The following CASP6 variants were observed in gnomAD, a reference collection of about 807,000 sequenced individuals.
CASP6 encodes the protein caspase 6, also known as caspase-6.
Under a neutral mutation model 31.8 loss-of-function variants are expected in CASP6, and 20 were observed. The ratio of observed to expected loss-of-function variants is 0.63; its 90% CI spans 0.44 to 0.91. The LOEUF is 0.91. Among genes scored for constraint, CASP6 ranks in the 40% least tolerant of loss-of-function variants. The pLI is 0.00. For synonymous variants in CASP6, 130 were observed against 127.8 expected, an observed-to-expected ratio of 1.02 and a Z score of -0.12; for missense variants, 328 against 361.1, an observed-to-expected ratio of 0.91 and a Z score of 0.74.
chr4:109,669,239 G>A, the CASP6 span, among the ~76,000 whole-genome samples: 5 of 151,870 alleles, frequency 3.3e-5, no homozygotes, highest in African/African-American at 4.8e-5. Context: ...CTCAATTTTT[G>A]TTTGAAAATA....
chr4:109,696,611 T>A lies in CASP6; in HGVS notation c.231-125A>T. ...TTTGCTTTCTTTAGGAGAAAAGAAA[T>A]GAAATATAACAATGGTGGTTTTCCC... On this transcript the variant is annotated intron_variant, in intron 3 of 6. Coordinates refer to ENST00000265164, the MANE Select transcript of CASP6 (RefSeq NM_001226.4). 2 of 600,800 alleles carry A rather than the reference T, an allele frequency of 3.3e-6. 1 individual carries two copies. Among genetic ancestry groups the A allele is most frequent in the South Asian group, 4.4e-5 (2 of 44,980 alleles). The allele number at this position is 600,800 out of a possible 1,614,324, so 37.2% of individuals were successfully genotyped here.
At chr4:109,676,225 T>G in the CASP6 span, among the ~76,000 whole-genome samples, 1 of 152,172 alleles carries the variant, frequency 6.6e-6, no homozygotes, top group Non-Finnish European at 1.5e-5. Flanking sequence ...TAAGTGGTCA[T>G]GATCAGAATG....
chr4:109,687,656 T>C, downstream of CASP6: 2 of 949,088 alleles, frequency 2.1e-6, no homozygotes, highest in Admixed American at 1.9e-5. Context: ...TAGGATGTTT[T>C]TGAGTCCCAT....
chr4:109,694,090 G>A (rs545171087), intron 5 of CASP6, among the ~76,000 whole-genome samples: 1 of 152,152 alleles, frequency 6.6e-6, no homozygotes, highest in South Asian at 2.1e-4. Context: ...TTGGTTTAAG[G>A]GGCAATGTGA....
At position 109,689,486 on chromosome 4, in the gene CASP6, G is replaced by C. The variant is rs1729963480; in HGVS notation, c.726C>G (p.Ser242=). The C allele has an allele frequency of 2.5e-6, 4 of 1,614,190 alleles. No homozygotes were observed. Among genetic ancestry groups the C allele is most frequent in the Non-Finnish European group, 3.4e-6 (4 of 1,180,046 alleles). ...GTGTGAGGAGTTCTGTGAACTCTAA[G>C]GAGGAGCCATATTTTCCCAACATCT... ...LCEMLGKYGS[S]LEFTELLTLV... Residue 242 remains serine (S), a synonymous_variant, in exon 7 of 7, where the codon TCC becomes TCG. Coordinates refer to ENST00000265164, the MANE Select transcript of CASP6 (RefSeq NM_001226.4).
the CASP6 span, among the ~76,000 whole-genome samples, chr4:109,671,015 G>A: frequency 6.6e-6 from 1 of 152,200 alleles, no homozygotes; most frequent in Non-Finnish European, 1.5e-5. Flanking sequence ...ATGAGTCTCT[G>A]CTTCGCTAAG....
At chr4:109,670,313 G>GGTTGCTGAA in the CASP6 span, among the ~76,000 whole-genome samples, 2 of 142,822 alleles carry the variant, frequency 1.4e-5, no homozygotes, top group African/African-American at 6.1e-5. Flanking sequence ...GATGGTTACA[G>GGTTGCTGAA]GTTGCTGAAG....
At chr4:109,690,339 T>G (rs1022400509) in intron 6 of CASP6, among the ~76,000 whole-genome samples, 1 of 150,936 alleles carries the variant, frequency 6.6e-6, no homozygotes, top group Non-Finnish European at 1.5e-5. Context: ...CTGGGCAACA[T>G]AGCAAGACCC....
At chr4:109,666,633 C>G in the CASP6 span, among the ~76,000 whole-genome samples, 2 of 152,092 alleles carry the variant, frequency 1.3e-5, no homozygotes, top group African/African-American at 4.8e-5. Context: ...ATTTTGTGAT[C>G]AGGTTGTTCA....
upstream of CASP6, chr4:109,703,626 G>T: frequency 1.7e-6 from 1 of 573,106 alleles, no homozygotes; most frequent in Non-Finnish European, 3.0e-6. Context: ...AGAGCGCGGG[G>T]GCAGGGAGAG....
At chr4:109,670,317 G>A in the CASP6 span, among the ~76,000 whole-genome samples, 1 of 142,892 alleles carries the variant, frequency 7.0e-6, no homozygotes, top group East Asian at 1.9e-4. Context: ...GTTACAGGTT[G>A]CTGAAGTTGG....
At chr4:109,677,640 C>T in the CASP6 span, among the ~76,000 whole-genome samples, 1 of 151,934 alleles carries the variant, frequency 6.6e-6, no homozygotes, top group African/African-American at 2.4e-5. Context: ...GCAGTGGGTT[C>T]CTTAATAAAG....
chr4:109,684,649 G>C, downstream of CASP6: 1 of 1,364,782 alleles, frequency 7.3e-7, no homozygotes, highest in Non-Finnish European at 1.0e-6. Context: ...CTCGACAGGT[G>C]AGTAGTTTGT....
At chr4:109,695,078 G>A (rs1345669477) in intron 4 of CASP6, among the ~76,000 whole-genome samples, 3 of 152,012 alleles carry the variant, frequency 2.0e-5, no homozygotes, top group Admixed American at 6.6e-5. Flanking sequence ...GATCCACCTC[G>A]CCTCAGCCTC....
At chr4:109,687,515 G>T (rs1415854057), downstream of CASP6, 25 of 1,607,952 alleles carry the variant, frequency 1.6e-5, no homozygotes, top group Non-Finnish European at 2.0e-5. Context: ...CCCATGACAG[G>T]CTAAAGAATC....
intron 1 of CASP6, among the ~76,000 whole-genome samples, chr4:109,700,481 CTG>C (rs1730386960): frequency 6.6e-6 from 1 of 152,192 alleles, no homozygotes; most frequent in Admixed American, 6.5e-5. Context: ...ATGACTGCCC[CTG>C]TGAATAGTCA....
the CASP6 span, chr4:109,682,454 T>C: frequency 3.8e-5 from 28 of 728,052 alleles, no homozygotes; most frequent in Non-Finnish European, 5.6e-5. Context: ...TTTACATGTT[T>C]GTACACCAGC....
At chr4:109,664,439 T>TA in the CASP6 span, 5 of 747,398 alleles carry the variant, frequency 6.7e-6, no homozygotes, top group South Asian at 4.8e-5. Context: ...TTTTTTTTTT[T>TA]AGATGAATTC....
At position 109,697,691 on chromosome 4, in the gene CASP6, C is replaced by T; in HGVS notation, c.161G>A (p.Arg54Lys). ...TGGCAGTGTTAAGTGCCAAAAGAAC[C>T]TCTCATGATTGAAGATTAAAGCAAT... Reference protein sequence around the residue: ...RGIALIFNHERFFWHLTLPER... With the variant: ...RGIALIFNHEKFFWHLTLPER... The change falls in exon 3 of 7, where the codon AGG (arginine) becomes AAG (lysine). Residue 54 changes from arginine to lysine, a missense_variant. Coordinates refer to ENST00000265164, the MANE Select transcript of CASP6 (RefSeq NM_001226.4). 1 of 1,614,026 alleles carries T rather than the reference C, an allele frequency of 6.2e-7. No homozygotes were observed. The highest frequency in any genetic ancestry group is 2.2e-5 in the East Asian group (1 of 44,888).
Sources: gnomAD v4.1 joint callset for allele counts (sites outside exome capture counted in the v4.1 genomes callset) on GRCh38, gnomAD v4.1.1 for gene constraint, MANE v1.5 for transcripts, NCBI Gene and HGNC (gene_info 2026-07-23, HGNC 2026-07-21) for gene names.